Variants in RNF144A observed in about 807,000 individuals in gnomAD.
The protein encoded by RNF144A is ring finger protein 144A.
Under a neutral mutation model 38.7 loss-of-function variants are expected in RNF144A, and 11 were observed. The ratio of observed to expected loss-of-function variants is 0.28; its 90% CI spans 0.18 to 0.47. RNF144A has a LOEUF of 0.47. Ranked by LOEUF, RNF144A falls within the 20% of genes least tolerant of loss-of-function variation. The probability of loss-of-function intolerance (pLI) is 0.99; values close to 1 mark genes in which losing one functional copy is unlikely to be tolerated. For synonymous variants in RNF144A, 149 were observed against 143.9 expected (o/e 1.04, Z -0.25); for missense variants, 316 against 377.2 (o/e 0.84, Z 1.34).
rs115321617 is a variant in RNF144A at position 6,958,061 on chromosome 2, G to A, written c.-12+16914G>A. Among the ~76,000 whole-genome samples the A allele has an allele frequency of 0.02, 3,027 of 152,294 alleles. 97 individuals are homozygous for A. Among genetic ancestry groups the A allele is most frequent in the African/African-American group, 0.07 (2,888 of 41,552 alleles). Reference sequence around the variant, plus strand: ...GCTCCAGGGAAGCAGATGGATCGCCGGAGGGCTGCTGTCACATTGCATTGG... The same window carrying A: ...GCTCCAGGGAAGCAGATGGATCGCCAGAGGGCTGCTGTCACATTGCATTGG... On this transcript the variant is annotated intron_variant, in intron 2 of 8. Transcript: ENST00000320892. This position sits in a 1 kb window ranked among gnomAD's most constrained non-coding sequence, Gnocchi z 4.5.
intron 2 of RNF144A, among the ~76,000 whole-genome samples, chr2:6,990,773 T>C (rs757990385): frequency 6.6e-6 from 1 of 152,162 alleles, no homozygotes; most frequent in African/African-American, 2.4e-5. Flanking sequence ...GATAATGACA[T>C]GTAATCACCA....
rs927588918 is a variant in RNF144A at position 7,040,224 on chromosome 2, G to C, written c.*464G>C. ...ATGACAACTGTTTTTATTACTAATG[G>C]CATTTAGTAAAATCCTTTTTAGAAG... On this transcript the variant is annotated 3_prime_UTR_variant, in exon 9 of 9. Transcript: ENST00000320892. 10 of 985,978 alleles carry C rather than the reference G, an allele frequency of 1.0e-5. No individual in the cohort carries two copies. The highest frequency in any genetic ancestry group is 3.5e-5 in the African/African-American group (2 of 57,244). 61.1% of individuals were successfully genotyped at this position (985,978 alleles called of 1,614,324 possible).
At chr2:7,034,563 A>C (rs930818681) in intron 8 of RNF144A, among the ~76,000 whole-genome samples, 1 of 152,220 alleles carries the variant, frequency 6.6e-6, no homozygotes, top group Non-Finnish European at 1.5e-5. Flanking sequence ...GCGTGCTCCC[A>C]AGTGCAGTGC....
At chr2:6,998,356 G>A (rs1441995720) in intron 3 of RNF144A, among the ~76,000 whole-genome samples, 3 of 152,138 alleles carry the variant, frequency 2.0e-5, no homozygotes, top group Admixed American at 6.6e-5. Context: ...TGCACCTCAT[G>A]ATGTCCTTGG....
chr2:7,075,244 G>GA, the RNF144A span, among the ~76,000 whole-genome samples: 5 of 151,966 alleles, frequency 3.3e-5, no homozygotes, highest in Non-Finnish European at 5.9e-5. Context: ...CATGATTAAT[G>GA]GCAGCTGGGG....
intron 1 of RNF144A, among the ~76,000 whole-genome samples, chr2:6,939,689 G>T (rs1263601347): frequency 1.3e-5 from 2 of 151,798 alleles, no homozygotes; most frequent in Admixed American, 1.3e-4. Flanking sequence ...ATTTGTAAGA[G>T]TTTTATAAAT....
At position 7,040,116 on chromosome 2, in the gene RNF144A, A is replaced by G. The variant is rs568477521; in HGVS notation, c.*356A>G. 68 of 1,018,532 alleles carry G rather than the reference A, an allele frequency of 6.7e-5. No homozygotes were observed. In the Middle Eastern group the frequency reaches 1.4e-3, roughly 21 times the overall value. The allele number at this position is 1,018,532 out of a possible 1,614,324, so 63.1% of individuals were successfully genotyped here. A position where few individuals can be genotyped will look rare whatever the true frequency, so the allele number is the denominator to read the frequency against. On this transcript the variant is annotated 3_prime_UTR_variant, in exon 9 of 9. Coordinates refer to ENST00000320892, the MANE Select transcript of RNF144A (RefSeq NM_014746.6). The stretch of plus-strand genomic sequence containing the variant: ...TGCTCCTTGGCTTCTAGATGGCACC[A>G]TGTTGTCAGAGAAGTCTTTTAAGGA...
intron 6 of RNF144A, among the ~76,000 whole-genome samples, chr2:7,066,094 T>G (rs1015655288): frequency 6.6e-6 from 1 of 152,144 alleles, no homozygotes; most frequent in Non-Finnish European, 1.5e-5. Flanking sequence ...TTTTTTTTCT[T>G]TTTTTCTTTT....
chr2:7,053,052 AAGTC>A (rs1195581023), intron 6 of RNF144A, among the ~76,000 whole-genome samples: 5 of 152,242 alleles, frequency 3.3e-5, no homozygotes, highest in Non-Finnish European at 7.3e-5. Context: ...GAAATTGTGA[AAGTC>A]AGTTTAGATA....
At chr2:7,045,035 C>T (rs1389246000), downstream of RNF144A, among the ~76,000 whole-genome samples, 3 of 152,212 alleles carry the variant, frequency 2.0e-5, no homozygotes, top group Admixed American at 6.5e-5. Context: ...TCGGCCAGGC[C>T]GGAAGGTCAG....
rs550824948 is a variant in RNF144A, at chr2:7,025,768, A to C, written c.657+1252A>C. Among the ~76,000 whole-genome samples the C allele has an allele frequency of 5.9e-5, 9 of 152,344 alleles. No individual in the cohort carries two copies. In the South Asian group the frequency reaches 1.5e-3, roughly 25 times the overall value. ...TAGCTAGGACAGTCCAAGCAAATCA[A>C]GTCGTGTTTCATGAAGGGATATATT... On this transcript the variant is annotated intron_variant, in intron 7 of 8. Coordinates refer to ENST00000320892, the MANE Select transcript of RNF144A (RefSeq NM_014746.6).
chr2:6,933,369 T>C (rs1665329106), intron 1 of RNF144A: 1 of 152,208 alleles, frequency 6.6e-6, no homozygotes, highest in Non-Finnish European at 1.5e-5. Context: ...GATTTCTATG[T>C]GGATTTCAGA....
chr2:7,015,979 T>G (rs1307255847), intron 5 of RNF144A, among the ~76,000 whole-genome samples: 2 of 152,010 alleles, frequency 1.3e-5, no homozygotes, highest in East Asian at 3.9e-4. Context: ...CAGAGACCTG[T>G]TGTTTGTATA....
chr2:6,961,674 A>G (rs770743306), intron 2 of RNF144A, among the ~76,000 whole-genome samples: 2 of 152,250 alleles, frequency 1.3e-5, no homozygotes, highest in Non-Finnish European at 2.9e-5. Flanking sequence ...CATGTCTGGC[A>G]CATGACTTTG....
At chr2:7,011,033 A>G (rs548548307) in intron 3 of RNF144A, among the ~76,000 whole-genome samples, 1 of 152,336 alleles carries the variant, frequency 6.6e-6, no homozygotes, top group Admixed American at 6.5e-5. Flanking sequence ...GTTGACTGAC[A>G]CTATGCCCCT....
chr2:6,988,083 T>C (rs1305252084), intron 2 of RNF144A, among the ~76,000 whole-genome samples: 1 of 152,242 alleles, frequency 6.6e-6, no homozygotes, highest in Non-Finnish European at 1.5e-5. Flanking sequence ...TCAAAGTGTT[T>C]CGTTTAAAAA....
chr2:6,988,818 A>G (rs959349891), intron 2 of RNF144A, among the ~76,000 whole-genome samples: 1 of 152,258 alleles, frequency 6.6e-6, no homozygotes, highest in African/African-American at 2.4e-5. Context: ...AATTATGTGG[A>G]ATTTTTCTGC....
Position 7,042,764 on chromosome 2 carries a change from G to A in RNF144A, c.*3004G>A, listed in dbSNP as rs925076269. The stretch of plus-strand genomic sequence containing the variant: ...AGACTGACTTAGGATCTGAGATAAA[G>A]CATCGGATTGCAGGAATAACTGTCC... On this transcript the variant is annotated 3_prime_UTR_variant, in exon 9 of 9. Coordinates refer to ENST00000320892, the MANE Select transcript of RNF144A (RefSeq NM_014746.6). 8.1e-6 allele frequency: 8 copies of A among 985,370 alleles called. No homozygotes were observed. The South Asian group carries it at 3.3e-4, about 40-fold the overall frequency. The allele number at this position is 985,370 out of a possible 1,614,324, so 61.0% of individuals were successfully genotyped here.
At chr2:6,945,002 CTGTTT>C (rs1666241781) in intron 2 of RNF144A, among the ~76,000 whole-genome samples, 1 of 152,170 alleles carries the variant, frequency 6.6e-6, no homozygotes, top group African/African-American at 2.4e-5. Flanking sequence ...GGTTTTTGTT[CTGTTT>C]TGTTTTGTTT....
Sources: allele counts gnomAD v4.1 joint callset (sites outside exome capture counted in the v4.1 genomes callset), GRCh38; gene constraint gnomAD v4.1.1; non-coding constraint Gnocchi (gnomAD v3.1); transcripts MANE v1.5; gene names NCBI Gene and HGNC (gene_info 2026-07-23, HGNC 2026-07-21).